The following CNKSR2 variants were observed in gnomAD, a reference collection of about 807,000 sequenced individuals.
The protein encoded by CNKSR2 is connector enhancer of kinase suppressor of Ras 2.
Under a neutral mutation model 84.4 loss-of-function variants are expected in CNKSR2, and 14 were observed. That is an observed-to-expected ratio of 0.17 (90% confidence interval 0.11 to 0.26). CNKSR2 has a LOEUF of 0.26. CNKSR2 is among the 10% of genes least tolerant of loss of function. The pLI is 1.00. For synonymous variants in CNKSR2, 275 were observed against 277.9 expected, an observed-to-expected ratio of 0.99 and a Z score of 0.10; for missense variants, 485 against 771.2, an observed-to-expected ratio of 0.63 and a Z score of 4.40.
chrX:21,590,516 G>A (rs143385038), intron 13 of CNKSR2, 56 bp from the exon 14 acceptor site: 120 of 1,084,161 alleles, frequency 1.1e-4, no homozygotes, highest in Non-Finnish European at 1.5e-4. Context: ...TAGCGTGCTG[G>A]TGCTCTGGAT....
At position 21,374,559 on chromosome X, in the gene CNKSR2, C is replaced by T. The variant is rs1170129714; in HGVS notation, c.-339C>T. 4.2e-6 allele frequency: 2 copies of T among 471,638 alleles called. No homozygotes were observed. Among genetic ancestry groups the T allele is most frequent in the African/African-American group, 2.4e-5 (1 of 41,255 alleles). 38.9% of individuals were successfully genotyped at this position (471,638 alleles called of 1,213,427 possible). A position where few individuals can be genotyped will look rare whatever the true frequency, so the allele number is the denominator to read the frequency against. On this transcript the variant is annotated 5_prime_UTR_variant, in exon 1 of 22. Transcript: ENST00000379510. ...CAGCAACTCAAGCTATGAACTGAAG[C>T]TCCCTAGGGACGGAGACCGGAGCGG...
At chrX:21,602,165 G>A (rs766971252) in intron 18 of CNKSR2, among the ~76,000 whole-genome samples, 9 of 109,938 alleles carry the variant, frequency 8.2e-5, no homozygotes, top group Admixed American at 2.0e-4. Flanking sequence ...TTGAAGTAAC[G>A]TCTCACTCCG....
chrX:21,646,012 G>C, intron 20 of CNKSR2: 1 of 111,575 alleles, frequency 9.0e-6, no homozygotes, highest in Non-Finnish European at 1.9e-5. Context: ...AAAATGAAAA[G>C]ACTCTTTGTC....
chrX:21,595,080 T>C, intron 16 of CNKSR2, 33 bp downstream of exon 16: 1 of 1,049,632 alleles, frequency 9.5e-7, no homozygotes, highest in East Asian at 3.1e-5. Context: ...GAGGGAACGA[T>C]AGTTTTTTTT....
intron 4 of CNKSR2, among the ~76,000 whole-genome samples, chrX:21,443,826 A>G (rs1277575424): frequency 9.0e-6 from 1 of 111,584 alleles, no homozygotes. Flanking sequence ...ATGGACAAAT[A>G]TTCTTTAAAC....
At chrX:21,639,265 A>T (rs190781006) in intron 20 of CNKSR2, among the ~76,000 whole-genome samples, 156 of 111,795 alleles carry the variant, frequency 1.4e-3, no homozygotes, top group Middle Eastern at 0.014. Flanking sequence ...GAAGTCCAAG[A>T]TAGAAGGACA....
intron 11 of CNKSR2, among the ~76,000 whole-genome samples, chrX:21,540,230 T>G (rs2091965157): frequency 8.9e-6 from 1 of 111,960 alleles, no homozygotes; most frequent in Non-Finnish European, 1.9e-5. Context: ...ACATTTATGC[T>G]GGGTTTTAAA....
chrX:21,495,786 A>AC (rs2147054091), intron 6 of CNKSR2: 2 of 51,173 alleles, frequency 3.9e-5, no homozygotes, highest in Non-Finnish European at 6.8e-5. Flanking sequence ...TCCGTCTCAA[A>AC]AAAAAAAAAA....
intron 15 of CNKSR2, 99 bp from the exon 16 acceptor site, chrX:21,594,875 A>C: frequency 1.8e-6 from 1 of 569,874 alleles, no homozygotes; most frequent in Non-Finnish European, 2.8e-6. Flanking sequence ...AATTAAAGGA[A>C]CGGATTTATT....
chrX:21,453,360 A>T, intron 4 of CNKSR2, among the ~76,000 whole-genome samples: 1 of 111,258 alleles, frequency 9.0e-6, no homozygotes, highest in Middle Eastern at 4.7e-3. Context: ...AACATCATGG[A>T]GTTTAAACAG....
At chrX:21,409,306 G>A (rs1248123000) in intron 1 of CNKSR2, among the ~76,000 whole-genome samples, 5 of 88,745 alleles carry the variant, frequency 5.6e-5, no homozygotes, top group African/African-American at 2.1e-4. Flanking sequence ...CTTAGTCACA[G>A]TATTAGTCAA....
chrX:21,542,094 A>C (rs1447496050), intron 11 of CNKSR2, among the ~76,000 whole-genome samples: 1 of 112,303 alleles, frequency 8.9e-6, no homozygotes, highest in African/African-American at 3.2e-5. Flanking sequence ...TTAGGAAAAG[A>C]CTGCTAAATT....
intron 8 of CNKSR2, among the ~76,000 whole-genome samples, chrX:21,515,022 G>T (rs2091712962): frequency 9.2e-6 from 1 of 108,912 alleles, no homozygotes; most frequent in Non-Finnish European, 1.9e-5. Flanking sequence ...TACTGTAGTT[G>T]ATCCACATTA....
chrX:21,542,271 T>G (rs752578971), intron 11 of CNKSR2, among the ~76,000 whole-genome samples: 1 of 112,458 alleles, frequency 8.9e-6, no homozygotes, highest in South Asian at 3.7e-4. Flanking sequence ...GCATCAGCCA[T>G]AGTTGGTAAT....
intron 4 of CNKSR2, among the ~76,000 whole-genome samples, chrX:21,451,401 A>G (rs1215533160): frequency 9.0e-6 from 1 of 110,762 alleles, no homozygotes; most frequent in Non-Finnish European, 1.9e-5. Context: ...ATGCACACCT[A>G]TGTTTATTGC....
chrX:21,599,696 A>T (rs762463819), intron 17 of CNKSR2, among the ~76,000 whole-genome samples: 12 of 111,353 alleles, frequency 1.1e-4, no homozygotes, highest in Non-Finnish European at 1.7e-4. Flanking sequence ...AGTAAAGATA[A>T]GGCACTGGAT....
In CNKSR2 at chrX:21,426,247, A is replaced by G. The variant is rs762145033; in HGVS notation, c.65-250A>G. On this transcript the variant is annotated intron_variant, in intron 1 of 21. Coordinates refer to ENST00000379510, the MANE Select transcript of CNKSR2 (RefSeq NM_014927.5). Reference sequence around the variant, plus strand: ...GCAAGGAGAACTGCACAGAAGAAAGATAAAGATTTCCAGTACGTGCTGAGG... The same window carrying G: ...GCAAGGAGAACTGCACAGAAGAAAGGTAAAGATTTCCAGTACGTGCTGAGG... 7 of 326,983 alleles carry G rather than the reference A, an allele frequency of 2.1e-5. No individual in the cohort carries two copies. In the East Asian group the frequency reaches 3.3e-4, roughly 15 times the overall value. 26.9% of individuals were successfully genotyped at this position (326,983 alleles called of 1,213,427 possible). A position where few individuals can be genotyped will look rare whatever the true frequency, so the allele number is the denominator to read the frequency against.
chrX:21,609,755 C>T (rs1044756171), intron 20 of CNKSR2, 138 bp downstream of exon 20: 23 of 804,658 alleles, frequency 2.9e-5, no homozygotes, highest in Non-Finnish European at 3.9e-5. Context: ...TTAGGTCTCC[C>T]TTGGTGACCT....
intron 20 of CNKSR2, among the ~76,000 whole-genome samples, chrX:21,612,033 A>G (rs1372357281): frequency 1.8e-5 from 2 of 112,178 alleles, no homozygotes; most frequent in African/African-American, 6.5e-5. Flanking sequence ...AATGAAATGT[A>G]TGTTTGTTCT....
Sources: gnomAD v4.1 joint callset for allele counts (sites outside exome capture counted in the v4.1 genomes callset) on GRCh38, gnomAD v4.1.1 for gene constraint, MANE v1.5 for transcripts, NCBI Gene and HGNC (gene_info 2026-07-23, HGNC 2026-07-21) for gene names.